LRRC42: variants seen among roughly 807,000 people sequenced by gnomAD.
LRRC42 encodes leucine-rich repeat-containing protein 42.
In LRRC42, 43 loss-of-function variants were observed where a neutral mutation model predicts 44.3. The ratio of observed to expected loss-of-function variants is 0.97; its 90% CI spans 0.76 to 1.25. The LOEUF (loss-of-function observed/expected upper bound fraction) is 1.25. Ranked by LOEUF, LRRC42 falls within the 50% of genes most tolerant of loss-of-function variation. The pLI is 0.00. For synonymous variants in LRRC42, 207 were observed against 195.2 expected (o/e 1.06, Z -0.50); for missense variants, 540 against 509.1 (o/e 1.06, Z -0.58).
chr1:53,966,094 G>A (rs1342659891), intron 7 of LRRC42, among the ~76,000 whole-genome samples: 2 of 152,196 alleles, frequency 1.3e-5, no homozygotes, highest in Non-Finnish European at 2.9e-5. Context: ...TATATCCAAC[G>A]TGTTTGCATT....
intron 4 of LRRC42, among the ~76,000 whole-genome samples, chr1:53,958,593 A>T (rs898480142): frequency 2.8e-4 from 43 of 151,404 alleles, no homozygotes; most frequent in Non-Finnish European, 5.0e-4. Flanking sequence ...TTTTATTTTT[A>T]TTTTTTTTGG....
chr1:53,958,262 C>T lies in LRRC42; in HGVS notation c.587C>T (p.Thr196Ile), dbSNP rs1283033444. 6.2e-7 allele frequency: 1 copy of T among 1,613,650 alleles called. No homozygotes were observed. Among genetic ancestry groups the T allele is most frequent in the South Asian group, 1.1e-5 (1 of 91,060 alleles). The change falls in exon 4 of 9, where the codon ACC becomes ATC. Residue 196 changes from threonine to isoleucine, a missense_variant. Transcript: ENST00000371370. Reference sequence around the variant, plus strand: ...GAGCATGAACTTCTAGAACATCTCACCAATGAAGCCCTGTCTAGGTACTGA... The same window carrying T: ...GAGCATGAACTTCTAGAACATCTCATCAATGAAGCCCTGTCTAGGTACTGA... ...GDEHELLEHL[T>I]NEALSSVTQL... is the part of the protein sequence containing the mutation.
chr1:53,954,335 A>G (rs1440439496), intron 3 of LRRC42, among the ~76,000 whole-genome samples: 1 of 152,252 alleles, frequency 6.6e-6, no homozygotes, highest in Non-Finnish European at 1.5e-5. Context: ...TGGACTTGGG[A>G]CTGCTGCCAG....
chr1:53,966,301 T>C lies in LRRC42; in HGVS notation c.933T>C (p.Val311=), dbSNP rs1174295133. 1 of 1,612,656 alleles carries C rather than the reference T, an allele frequency of 6.2e-7. No homozygotes were observed. The highest frequency in any genetic ancestry group is 1.1e-5 in the South Asian group (1 of 91,056). ...TCTTTCCAAATATGTTTCAGATCGT[T>C]CTGCAGTGGGAGCGTGTGACTGCGG... The part of the protein sequence containing the change: ...CKTEGWADQI[V]LQWERVTAEA... The change falls in exon 8 of 9, where the codon GTT becomes GTC. Residue 311 remains valine (V), a synonymous_variant. Coordinates refer to ENST00000371370, the MANE Select transcript of LRRC42 (RefSeq NM_001256409.2).
intron 7 of LRRC42, 92 bp downstream of exon 7, chr1:53,962,501 T>C: frequency 1.3e-6 from 1 of 763,838 alleles, no homozygotes. Flanking sequence ...AGTAATCCAC[T>C]TGGTAGTCCT....
chr1:53,951,371 A>T (rs910961444), intron 2 of LRRC42, among the ~76,000 whole-genome samples: 1 of 152,252 alleles, frequency 6.6e-6, no homozygotes, highest in African/African-American at 2.4e-5. Flanking sequence ...CTTTGCTGAC[A>T]TCTGTGACAA....
At chr1:53,946,800 G>A (rs919844150) in intron 1 of LRRC42, among the ~76,000 whole-genome samples, 2 of 151,826 alleles carry the variant, frequency 1.3e-5, no homozygotes, top group Non-Finnish European at 2.9e-5. Flanking sequence ...AGCAGGATTA[G>A]CCTGGGTGGA....
chr1:53,962,191 G>A (rs1002620634), intron 6 of LRRC42, 69 bp downstream of exon 6: 83 of 1,481,034 alleles, frequency 5.6e-5, no homozygotes, highest in Middle Eastern at 1.7e-4. Flanking sequence ...GTGCTAATTG[G>A]TATTTAGAAA....
chr1:53,956,304 A>ATC (rs1173513473), intron 3 of LRRC42, among the ~76,000 whole-genome samples: 1 of 152,344 alleles, frequency 6.6e-6, no homozygotes, highest in East Asian at 1.9e-4. Flanking sequence ...AACCCCAGTG[A>ATC]TTTTTAATCC....
intron 2 of LRRC42, among the ~76,000 whole-genome samples, chr1:53,948,326 G>A (rs1020606575): frequency 2.0e-5 from 3 of 152,080 alleles, no homozygotes; most frequent in Admixed American, 1.3e-4. Flanking sequence ...TTTTTGCTTG[G>A]GAAACTGGAT....
At chr1:53,963,137 C>T (rs1031288741) in intron 7 of LRRC42, among the ~76,000 whole-genome samples, 1 of 152,142 alleles carries the variant, frequency 6.6e-6, no homozygotes, top group African/African-American at 2.4e-5. Context: ...CCTGGATCCC[C>T]TCTTAGCTCC....
At chr1:53,956,025 T>C (rs759200667) in intron 3 of LRRC42, among the ~76,000 whole-genome samples, 36 of 152,350 alleles carry the variant, frequency 2.4e-4, no homozygotes, top group Non-Finnish European at 5.0e-4. Flanking sequence ...ACCTCTCTTC[T>C]CCTTTTGAAT....
In LRRC42 at chr1:53,962,401, GCTGACCAGGTACTC is replaced by G. The variant is rs754423956; in HGVS notation, c.921_927+7del. ...TAGTAACTGCAAGACAGAGGGCTGG[GCTGACCAGGTACTC>G]CAGATTTTTCTTCCTTGCGGTTGAT... On this transcript the variant is annotated splice_donor_variant and splice_donor_5th_base_variant and coding_sequence_variant and intron_variant, in exon 7 of 9. Coordinates refer to ENST00000371370, the MANE Select transcript of LRRC42 (RefSeq NM_001256409.2). LOFTEE classifies it high-confidence loss of function. 2 of 1,608,526 alleles carry G rather than the reference GCTGACCAGGTACTC, an allele frequency of 1.2e-6. No individual in the cohort carries two copies. Among genetic ancestry groups the G allele is most frequent in the Non-Finnish European group, 1.7e-6 (2 of 1,174,962 alleles).
At chr1:53,961,316 C>T (rs1654989153) in intron 5 of LRRC42, among the ~76,000 whole-genome samples, 1 of 151,848 alleles carries the variant, frequency 6.6e-6, no homozygotes, top group Non-Finnish European at 1.5e-5. Context: ...GAGGCTGAGG[C>T]AGGAGAATGG....
chr1:53,958,091 A>C (rs1487247820), intron 3 of LRRC42, 58 bp from the exon 4 acceptor site: 7 of 1,601,716 alleles, frequency 4.4e-6, no homozygotes, highest in Non-Finnish European at 6.0e-6. Context: ...AAATCCACAA[A>C]TGGTAATGCT....
intron 2 of LRRC42, among the ~76,000 whole-genome samples, chr1:53,949,239 T>G (rs1455211744): frequency 6.6e-6 from 1 of 152,062 alleles, no homozygotes; most frequent in Non-Finnish European, 1.5e-5. Context: ...GAATCAGACT[T>G]CTAGTTTTCA....
At chr1:53,959,834 C>G (rs1336753953) in intron 4 of LRRC42, among the ~76,000 whole-genome samples, 1 of 152,104 alleles carries the variant, frequency 6.6e-6, no homozygotes, top group East Asian at 1.9e-4. Context: ...CAACAATATA[C>G]CTTTAGTGCC....
At chr1:53,962,546 C>A in intron 7 of LRRC42, 137 bp downstream of exon 7, 1 of 657,418 alleles carries the variant, frequency 1.5e-6, no homozygotes, top group Non-Finnish European at 2.7e-6. Context: ...AAATTGGAGA[C>A]ACTGATGGGC....
At chr1:53,960,815 G>A (rs1198772570) in intron 5 of LRRC42, among the ~76,000 whole-genome samples, 1 of 152,202 alleles carries the variant, frequency 6.6e-6, no homozygotes, top group African/African-American at 2.4e-5. Flanking sequence ...CTTGGTGTCT[G>A]TCAGCTAGGT....
Sources: allele counts gnomAD v4.1 joint callset (sites outside exome capture counted in the v4.1 genomes callset), GRCh38; gene constraint gnomAD v4.1.1; transcripts MANE v1.5; gene names NCBI Gene and HGNC (gene_info 2026-07-23, HGNC 2026-07-21).